Variants in TMTC2 observed in about 807,000 individuals in gnomAD.
The protein encoded by TMTC2 is transmembrane O-mannosyltransferase targeting cadherins 2.
TMTC2 carries 43 observed loss-of-function variants against 82.4 expected under a neutral mutation model. The observed-to-expected ratio is 0.52, with a 90% CI of 0.41 to 0.67. The LOEUF is 0.67. Ranked by LOEUF, TMTC2 falls within the 30% of genes least tolerant of loss-of-function variation. The pLI is 0.00. For missense variants in TMTC2, 919 were observed against 1,012.4 expected (o/e 0.91, Z 1.25); for synonymous variants, 408 against 381.9 (o/e 1.07, Z -0.80).
chr12:82,786,842 G>GT (rs1340051551), intron 1 of TMTC2, among the ~76,000 whole-genome samples: 1 of 152,064 alleles, frequency 6.6e-6, no homozygotes, highest in African/African-American at 2.4e-5. Flanking sequence ...AAAAGTTTTT[G>GT]TTTTTGTTAG....
rs190561649 is a variant in TMTC2, at chr12:82,862,893, A to G, written c.654+5313A>G. On this transcript the variant is annotated intron_variant, in intron 2 of 11. Coordinates refer to ENST00000321196, the MANE Select transcript of TMTC2 (RefSeq NM_152588.3). Reference sequence around the variant, plus strand: ...GAATAATTTCTGAGGGTGGGAGTTTATATTCTATTAAAGATTTTTGGTTCA... The same window carrying G: ...GAATAATTTCTGAGGGTGGGAGTTTGTATTCTATTAAAGATTTTTGGTTCA... Among the ~76,000 whole-genome samples the G allele has an allele frequency of 4.6e-5, 7 of 152,332 alleles. No individual in the cohort carries two copies. In the East Asian group the frequency reaches 1.3e-3, roughly 29 times the overall value.
intron 1 of TMTC2, among the ~76,000 whole-genome samples, chr12:82,806,887 G>C (rs1879270377): frequency 1.3e-5 from 2 of 152,068 alleles, no homozygotes; most frequent in Admixed American, 1.3e-4. Flanking sequence ...TAAAACGTTT[G>C]TTGTTCAGGG....
At chr12:82,698,794 C>G (rs1313256025) in intron 1 of TMTC2, among the ~76,000 whole-genome samples, 1 of 152,066 alleles carries the variant, frequency 6.6e-6, no homozygotes, top group African/African-American at 2.4e-5. Context: ...ATAAAAGTCA[C>G]TTGAACACAA....
chr12:82,751,078 T>C (rs1279869291), intron 1 of TMTC2, among the ~76,000 whole-genome samples: 1 of 152,150 alleles, frequency 6.6e-6, no homozygotes, highest in African/African-American at 2.4e-5. Context: ...CAGAATGATG[T>C]GTTAAACTAG....
intron 1 of TMTC2, among the ~76,000 whole-genome samples, chr12:82,763,777 C>G (rs957752084): frequency 2.6e-5 from 4 of 152,058 alleles, no homozygotes; most frequent in African/African-American, 9.7e-5. Context: ...TAAAGAGAAC[C>G]AAGCTAATAT....
At chr12:82,890,927 G>A (rs1012613769) in intron 2 of TMTC2, among the ~76,000 whole-genome samples, 1 of 152,120 alleles carries the variant, frequency 6.6e-6, no homozygotes, top group African/African-American at 2.4e-5. Flanking sequence ...CTTAACTAAT[G>A]TTTAAATATC....
chr12:82,766,223 CCTT>C (rs1415998259), intron 1 of TMTC2, among the ~76,000 whole-genome samples: 19 of 152,176 alleles, frequency 1.2e-4, no homozygotes, highest in African/African-American at 4.3e-4. Context: ...TTGGCCCTCT[CCTT>C]CTCGCTTTGG....
chr12:83,115,847 G>A (rs776209563), intron 11 of TMTC2, among the ~76,000 whole-genome samples: 34 of 152,126 alleles, frequency 2.2e-4, no homozygotes, highest in African/African-American at 1.2e-4. Flanking sequence ...GAGTGCAGTC[G>A]CACGAGCTCG....
At chr12:82,886,545 T>C (rs1160545590) in intron 2 of TMTC2, among the ~76,000 whole-genome samples, 1 of 152,192 alleles carries the variant, frequency 6.6e-6, no homozygotes, top group Non-Finnish European at 1.5e-5. Context: ...ATACTGAATA[T>C]CTTAAGATAC....
intron 9 of TMTC2, among the ~76,000 whole-genome samples, chr12:83,034,042 A>G (rs924766739): frequency 6.6e-6 from 1 of 151,802 alleles, no homozygotes; most frequent in East Asian, 1.9e-4. Context: ...TTAGAACTCA[A>G]ATTCATGTCA....
At chr12:83,012,496 A>G (rs1336847892) in intron 8 of TMTC2, among the ~76,000 whole-genome samples, 1 of 152,206 alleles carries the variant, frequency 6.6e-6, no homozygotes, top group Non-Finnish European at 1.5e-5. Context: ...AGAGTCAAAT[A>G]GTTGGATAAC....
At chr12:82,987,354 G>A (rs894598666) in intron 8 of TMTC2, among the ~76,000 whole-genome samples, 1 of 134,522 alleles carries the variant, frequency 7.4e-6, no homozygotes, top group Non-Finnish European at 1.5e-5. Flanking sequence ...AACCCAGAAG[G>A]CCAAGGTTGC....
intron 4 of TMTC2, among the ~76,000 whole-genome samples, chr12:82,954,382 G>A (rs554618719): frequency 6.6e-6 from 1 of 152,170 alleles, no homozygotes; most frequent in African/African-American, 2.4e-5. Context: ...TCTCTACACA[G>A]TATTGTGATT....
intron 4 of TMTC2, among the ~76,000 whole-genome samples, chr12:82,940,682 C>T (rs11115495): frequency 0.021 from 3,133 of 151,814 alleles, 90 homozygotes; most frequent in East Asian, 0.16. Context: ...TCTTTCCTTC[C>T]CCTTCTGACC....
At chr12:82,715,178 G>C (rs371103972) in intron 1 of TMTC2, among the ~76,000 whole-genome samples, 1 of 151,442 alleles carries the variant, frequency 6.6e-6, no homozygotes, top group Non-Finnish European at 1.5e-5. Context: ...GGCTGAGGCA[G>C]AGAATTGCTT....
intron 4 of TMTC2, among the ~76,000 whole-genome samples, chr12:82,932,344 T>G (rs1433260360): frequency 6.6e-6 from 1 of 152,070 alleles, no homozygotes; most frequent in Non-Finnish European, 1.5e-5. Context: ...CAGTGTGTAA[T>G]TTTTTTCTTT....
chr12:82,802,999 A>G (rs949075582), intron 1 of TMTC2, among the ~76,000 whole-genome samples: 1 of 152,312 alleles, frequency 6.6e-6, no homozygotes, highest in African/African-American at 2.4e-5. Flanking sequence ...TGTGTGACAT[A>G]TTGTAAAAGT....
intron 8 of TMTC2, among the ~76,000 whole-genome samples, chr12:83,007,852 T>C (rs1880275469): frequency 6.6e-6 from 1 of 152,292 alleles, no homozygotes; most frequent in South Asian, 2.1e-4. Flanking sequence ...TCTAGAAAGT[T>C]TATAGTTCTG....
At chr12:82,900,874 TAGGAATATATATAC>T in intron 3 of TMTC2, among the ~76,000 whole-genome samples, 1 of 126,780 alleles carries the variant, frequency 7.9e-6, no homozygotes, top group African/African-American at 2.9e-5. Context: ...TATATATATA[TAGGAATATATATAC>T]CTGGAATATA....
Sources: gnomAD v4.1 joint callset for allele counts (sites outside exome capture counted in the v4.1 genomes callset) on GRCh38, gnomAD v4.1.1 for gene constraint, MANE v1.5 for transcripts, NCBI Gene and HGNC (gene_info 2026-07-23, HGNC 2026-07-21) for gene names.